Variants in LHFPL6 observed in about 807,000 individuals in gnomAD.
The protein encoded by LHFPL6 is LHFPL tetraspan subfamily member 6.
Under a neutral mutation model 20.6 loss-of-function variants are expected in LHFPL6, and 9 were observed. The ratio of observed to expected loss-of-function variants is 0.44; its 90% CI spans 0.26 to 0.76. LHFPL6 has a LOEUF of 0.76. Ranked by LOEUF, LHFPL6 falls within the 30% of genes least tolerant of loss-of-function variation. The pLI is 0.20. For missense variants in LHFPL6, 218 were observed against 253.5 expected (o/e 0.86, Z 0.95); for synonymous variants, 105 against 98.7 (o/e 1.06, Z -0.38).
intron 2 of LHFPL6, among the ~76,000 whole-genome samples, chr13:39,465,882 C>T (rs1039404403): frequency 6.6e-6 from 1 of 152,002 alleles, no homozygotes; most frequent in Non-Finnish European, 1.5e-5. Flanking sequence ...AATGACCTAG[C>T]AAGGTGTATG....
intron 2 of LHFPL6, among the ~76,000 whole-genome samples, chr13:39,432,972 A>T (rs1463230961): frequency 6.6e-6 from 1 of 152,250 alleles, no homozygotes; most frequent in Non-Finnish European, 1.5e-5. Context: ...AAAACAGAAA[A>T]TAAATTATTT....
rs540175793 is a variant in LHFPL6 at position 39,408,663 on chromosome 13, CT to C, written c.386-30138del. Among the ~76,000 whole-genome samples the C allele has an allele frequency of 3.0e-3, 455 of 152,286 alleles. 3 individuals carry two copies. Among genetic ancestry groups the C allele is most frequent in the African/African-American group, 0.011 (439 of 41,548 alleles). ...ATTGTTGAACTGCTATGGCTTGAGC[CT>C]TTGAAAATAAAAGTCAGGTTCAAAT... On this transcript the variant is annotated intron_variant, in intron 2 of 3. Coordinates refer to ENST00000379589, the MANE Select transcript of LHFPL6 (RefSeq NM_005780.3).
At chr13:39,352,858 T>C (rs1566091532) in intron 3 of LHFPL6, among the ~76,000 whole-genome samples, 14 of 61,742 alleles carry the variant, frequency 2.3e-4, no homozygotes, top group African/African-American at 8.9e-4. Flanking sequence ...TAAATGTATA[T>C]ATATGTGTAT....
intron 2 of LHFPL6, among the ~76,000 whole-genome samples, chr13:39,501,073 T>C (rs982773725): frequency 6.6e-6 from 1 of 152,190 alleles, no homozygotes; most frequent in Admixed American, 6.5e-5. Flanking sequence ...TCCTTTCCTC[T>C]ATCTTAGTTG....
At chr13:39,507,953 C>T (rs946515119) in intron 2 of LHFPL6, among the ~76,000 whole-genome samples, 2 of 142,428 alleles carry the variant, frequency 1.4e-5, no homozygotes, top group Non-Finnish European at 3.0e-5. Flanking sequence ...CTTTTCCTTC[C>T]TTCCCTTTTT....
intron 2 of LHFPL6, among the ~76,000 whole-genome samples, chr13:39,481,684 G>A (rs79551872): frequency 0.1 from 15,439 of 152,172 alleles, 1,358 homozygotes; most frequent in East Asian, 0.52. Flanking sequence ...ACACAAAAAG[G>A]AAGGGGGCGG....
At chr13:39,415,979 A>T (rs58116643) in intron 2 of LHFPL6, among the ~76,000 whole-genome samples, 82,372 of 151,500 alleles carry the variant, frequency 0.54, 22,984 homozygotes, top group Non-Finnish European at 0.59. Flanking sequence ...TCACCCCTAG[A>T]TTCTCTGTCC....
At position 39,523,631 on chromosome 13, in the gene LHFPL6, G is replaced by A. The variant is rs540294112; in HGVS notation, c.385+77201C>T. Among the ~76,000 whole-genome samples, 11 of 151,810 alleles carry A rather than the reference G, an allele frequency of 7.2e-5. 1 individual carries two copies. In the South Asian group the frequency reaches 2.1e-3, roughly 29 times the overall value. On this transcript the variant is annotated intron_variant, in intron 2 of 3. Coordinates refer to ENST00000379589, the MANE Select transcript of LHFPL6 (RefSeq NM_005780.3). ...AGGTCATAAGAAGAATGATCCAACT[G>A]GACTCTTCACTGGCAGTTCCAGAGA... is the stretch of plus-strand genomic sequence containing the variant.
chr13:39,541,768 A>G (rs1870806626), intron 2 of LHFPL6, among the ~76,000 whole-genome samples: 1 of 152,110 alleles, frequency 6.6e-6, no homozygotes, highest in Non-Finnish European at 1.5e-5. Context: ...ACATTGCCTG[A>G]CACGTAGCAG....
chr13:39,427,919 T>C (rs1289803777), intron 2 of LHFPL6, among the ~76,000 whole-genome samples: 2 of 152,230 alleles, frequency 1.3e-5, no homozygotes, highest in Non-Finnish European at 1.5e-5. Context: ...TTTAAAAATG[T>C]GTAGCACCTT....
At chr13:39,354,227 C>T (rs533112773) in intron 3 of LHFPL6, among the ~76,000 whole-genome samples, 4 of 152,300 alleles carry the variant, frequency 2.6e-5, no homozygotes, top group African/African-American at 7.2e-5. Context: ...ATTCTTTCAC[C>T]ACACATCACT....
chr13:39,469,685 T>C (rs1432282632), intron 2 of LHFPL6, among the ~76,000 whole-genome samples: 1 of 152,202 alleles, frequency 6.6e-6, no homozygotes, highest in Non-Finnish European at 1.5e-5. Context: ...TAGTAGATGT[T>C]TGTGGGTTTT....
At chr13:39,397,550 T>G (rs1275480727) in intron 2 of LHFPL6, among the ~76,000 whole-genome samples, 1 of 152,236 alleles carries the variant, frequency 6.6e-6, no homozygotes, top group African/African-American at 2.4e-5. Context: ...TTGTAAGTCA[T>G]CCGTGACGAA....
intron 3 of LHFPL6, among the ~76,000 whole-genome samples, chr13:39,350,763 G>A (rs954032734): frequency 6.6e-6 from 1 of 152,198 alleles, no homozygotes; most frequent in Non-Finnish European, 1.5e-5. Flanking sequence ...TAAAATAGAG[G>A]TTAATGGGAC....
intron 2 of LHFPL6, among the ~76,000 whole-genome samples, chr13:39,427,445 C>T (rs570632619): frequency 6.6e-6 from 1 of 152,258 alleles, no homozygotes; most frequent in African/African-American, 2.4e-5. Context: ...TGTGGAAGTT[C>T]CCATCTATTC....
chr13:39,345,717 T>C (rs1398874350), intron 3 of LHFPL6, among the ~76,000 whole-genome samples: 4 of 151,958 alleles, frequency 2.6e-5, no homozygotes, highest in African/African-American at 9.7e-5. Flanking sequence ...ATGGCATAGA[T>C]AACCTTTCAT....
Position 39,447,022 on chromosome 13 carries a change from A to G in LHFPL6, c.386-68496T>C, listed in dbSNP as rs78037957. On this transcript the variant is annotated intron_variant, in intron 2 of 3. Coordinates refer to ENST00000379589, the MANE Select transcript of LHFPL6 (RefSeq NM_005780.3). ...CAGTTAATTAGCCACAGACTATTAA[A>G]TGAACAAATTAGAGCCCAAATCCTT... Among the ~76,000 whole-genome samples, 666 of 152,338 alleles carry G rather than the reference A, an allele frequency of 4.4e-3. 3 individuals carry two copies. The highest frequency in any genetic ancestry group is 0.015 in the African/African-American group (634 of 41,570).
At chr13:39,517,382 T>C (rs1200871130) in intron 2 of LHFPL6, among the ~76,000 whole-genome samples, 5 of 143,722 alleles carry the variant, frequency 3.5e-5, no homozygotes, top group Non-Finnish European at 7.7e-5. Context: ...GAGGATCAGA[T>C]GAACAATACT....
chr13:39,395,970 C>T (rs1397894305), intron 2 of LHFPL6, among the ~76,000 whole-genome samples: 1 of 152,186 alleles, frequency 6.6e-6, no homozygotes, highest in Non-Finnish European at 1.5e-5. Flanking sequence ...TCTAACAAGC[C>T]TTATAAACAG....
Sources: allele counts gnomAD v4.1 joint callset (sites outside exome capture counted in the v4.1 genomes callset), GRCh38; gene constraint gnomAD v4.1.1; transcripts MANE v1.5; gene names NCBI Gene and HGNC (gene_info 2026-07-23, HGNC 2026-07-21).